Variants in MTUS2 observed in about 807,000 individuals in gnomAD.
MTUS2 encodes microtubule-associated tumor suppressor candidate 2.
A neutral mutation model predicts 114.1 loss-of-function variants in MTUS2; 40 were observed. The observed-to-expected ratio is 0.35, with a 90% CI of 0.27 to 0.46. The LOEUF is 0.46. MTUS2 is among the 20% of genes least tolerant of loss of function. The pLI is 1.00. For synonymous variants in MTUS2, 688 were observed against 672.0 expected, an observed-to-expected ratio of 1.02 and a Z score of -0.37; for missense variants, 1,679 against 1,705.4, an observed-to-expected ratio of 0.98 and a Z score of 0.27.
intron 8 of MTUS2, among the ~76,000 whole-genome samples, chr13:29,407,250 A>C (rs1874830060): frequency 6.6e-6 from 1 of 152,148 alleles, no homozygotes; most frequent in Non-Finnish European, 1.5e-5. Context: ...CATCTCAAAA[A>C]TAATAAGTAA....
intron 2 of MTUS2, among the ~76,000 whole-genome samples, chr13:29,011,346 A>G (rs1055983392): frequency 1.3e-5 from 2 of 152,240 alleles, no homozygotes; most frequent in Non-Finnish European, 2.9e-5. Flanking sequence ...TGAAAATGCT[A>G]GCAAGACAGT....
intron 5 of MTUS2, among the ~76,000 whole-genome samples, chr13:29,259,292 A>G (rs961261844): frequency 1.5e-4 from 23 of 152,138 alleles, no homozygotes; most frequent in African/African-American, 5.3e-4. Flanking sequence ...CTCATGATCA[A>G]CCAGCAGGAG....
At chr13:29,401,201 G>A (rs531793346) in intron 8 of MTUS2, among the ~76,000 whole-genome samples, 2 of 152,112 alleles carry the variant, frequency 1.3e-5, no homozygotes, top group Non-Finnish European at 2.9e-5. Flanking sequence ...GGCCAGGCTG[G>A]TCTCAAACTC....
At chr13:29,230,255 A>T (rs888126963) in intron 5 of MTUS2, among the ~76,000 whole-genome samples, 3 of 152,256 alleles carry the variant, frequency 2.0e-5, no homozygotes, top group Non-Finnish European at 4.4e-5. Context: ...CAAAAAATAA[A>T]AATACAAAAA....
At chr13:29,371,084 C>T (rs945625436) in intron 8 of MTUS2, among the ~76,000 whole-genome samples, 3 of 152,178 alleles carry the variant, frequency 2.0e-5, no homozygotes, top group African/African-American at 7.2e-5. Flanking sequence ...CCTGTTTCTT[C>T]AACCTCAAAA....
intron 7 of MTUS2, among the ~76,000 whole-genome samples, chr13:29,336,061 GGTTATTCTA>G (rs1164786418): frequency 6.6e-6 from 1 of 152,060 alleles, no homozygotes; most frequent in East Asian, 1.9e-4. Context: ...TCTCTAAACT[GGTTATTCTA>G]GTTAGCAATT....
chr13:29,037,503 C>T (rs555314088), intron 4 of MTUS2, among the ~76,000 whole-genome samples: 146 of 152,242 alleles, frequency 9.6e-4, no homozygotes, highest in African/African-American at 3.4e-3. Context: ...GGTTGCTCTT[C>T]TTGAGGAGTA....
At chr13:29,007,092 A>G (rs935351671) in intron 2 of MTUS2, among the ~76,000 whole-genome samples, 2 of 152,184 alleles carry the variant, frequency 1.3e-5, no homozygotes, top group African/African-American at 4.8e-5. Context: ...GATTCCTTAA[A>G]TTTAAAATTT....
chr13:29,207,730 G>A (rs1052887955), intron 5 of MTUS2, among the ~76,000 whole-genome samples: 1 of 152,060 alleles, frequency 6.6e-6, no homozygotes, highest in Non-Finnish European at 1.5e-5. Context: ...CACATTTATT[G>A]ACTTGCGTAT....
chr13:29,313,951 A>G (rs9506133), intron 6 of MTUS2, among the ~76,000 whole-genome samples: 107,541 of 151,962 alleles, frequency 0.71, 38,665 homozygotes, highest in Non-Finnish European at 0.78. Context: ...TTAAAATTCC[A>G]CACTCAGCCA....
At chr13:29,313,950 C>G (rs1372630768) in intron 6 of MTUS2, among the ~76,000 whole-genome samples, 2 of 152,178 alleles carry the variant, frequency 1.3e-5, no homozygotes, top group Middle Eastern at 3.4e-3. Flanking sequence ...GTTAAAATTC[C>G]ACACTCAGCC....
chr13:29,360,689 C>CCA (rs1491301274), intron 8 of MTUS2, among the ~76,000 whole-genome samples: 2 of 3,144 alleles, frequency 6.4e-4, no homozygotes, highest in Non-Finnish European at 3.4e-3. Flanking sequence ...TAGCCGAACA[C>CCA]CCCCCCCCCC....
chr13:29,093,833 A>G (rs1054978817), intron 4 of MTUS2, among the ~76,000 whole-genome samples: 7 of 152,118 alleles, frequency 4.6e-5, no homozygotes, highest in African/African-American at 1.7e-4. Flanking sequence ...CTTGTTTTTA[A>G]TCTTAGAGGG....
At chr13:28,968,484 C>A (rs1041842317) in intron 2 of MTUS2, among the ~76,000 whole-genome samples, 4 of 152,054 alleles carry the variant, frequency 2.6e-5, no homozygotes, top group Non-Finnish European at 5.9e-5. Context: ...TTATTAAATG[C>A]AGAAAATGGG....
At chr13:28,934,311 A>G (rs942227473) in intron 2 of MTUS2, among the ~76,000 whole-genome samples, 3 of 151,994 alleles carry the variant, frequency 2.0e-5, no homozygotes, top group African/African-American at 7.3e-5. Context: ...TGTGTTTGTT[A>G]TTCTTATGTC....
At chr13:29,434,116 G>A (rs1877236217) in intron 8 of MTUS2, among the ~76,000 whole-genome samples, 1 of 152,098 alleles carries the variant, frequency 6.6e-6, no homozygotes, top group South Asian at 2.1e-4. Context: ...ACATATATAT[G>A]TATTTTCTTT....
At chr13:29,156,985 G>C (rs1420787921) in intron 5 of MTUS2, among the ~76,000 whole-genome samples, 1 of 152,074 alleles carries the variant, frequency 6.6e-6, no homozygotes, top group Non-Finnish European at 1.5e-5. Flanking sequence ...TTAAATATTA[G>C]ATAAAGATAC....
At chr13:29,041,350 C>A (rs972389833) in intron 4 of MTUS2, among the ~76,000 whole-genome samples, 2 of 152,060 alleles carry the variant, frequency 1.3e-5, no homozygotes, top group African/African-American at 4.8e-5. Flanking sequence ...GTAACTTTAG[C>A]CTTATGGTAT....
chr13:28,888,855 C>G (rs575292797), intron 2 of MTUS2, among the ~76,000 whole-genome samples: 5 of 152,266 alleles, frequency 3.3e-5, no homozygotes, highest in African/African-American at 1.2e-4. Context: ...TGCAAGCAAC[C>G]TTTGGGTTGC....
Sources: gnomAD v4.1 joint callset for allele counts (sites outside exome capture counted in the v4.1 genomes callset) on GRCh38, gnomAD v4.1.1 for gene constraint, MANE v1.5 for transcripts, NCBI Gene and HGNC (gene_info 2026-07-23, HGNC 2026-07-21) for gene names.